Variants in SIGLEC10 observed in about 807,000 individuals in gnomAD.
The protein encoded by SIGLEC10 is sialic acid-binding Ig-like lectin 10.
A neutral mutation model predicts 68.3 loss-of-function variants in SIGLEC10; 45 were observed. The ratio of observed to expected loss-of-function variants is 0.66; its 90% CI spans 0.52 to 0.84. The LOEUF (loss-of-function observed/expected upper bound fraction) is 0.84. Among genes scored for constraint, SIGLEC10 ranks in the 40% least tolerant of loss-of-function variants. The pLI, the probability that SIGLEC10 is intolerant of heterozygous loss-of-function variation, is 0.00. For synonymous variants in SIGLEC10, 379 were observed against 370.8 expected, an observed-to-expected ratio of 1.02 and a Z score of -0.26; for missense variants, 789 against 883.1, an observed-to-expected ratio of 0.89 and a Z score of 1.35.
rs2123772792 is a variant in SIGLEC10 at position 51,416,376 on chromosome 19, C to T, written c.707-19G>A. ...GGGGCATCTGCAACAAGATTGTGAG[C>T]TGGCTTCAGGGAGGGACAATTTATT... is the stretch of plus-strand genomic sequence containing the variant. On this transcript the variant is annotated intron_variant, in intron 3 of 10. Coordinates refer to ENST00000339313, the MANE Select transcript of SIGLEC10 (RefSeq NM_033130.5). 1.2e-6 allele frequency: 2 copies of T among 1,614,132 alleles called. No individual in the cohort carries two copies. The highest frequency in any genetic ancestry group is 1.7e-6 in the Non-Finnish European group (2 of 1,180,016).
Position 51,415,280 on chromosome 19 carries a change from C to G in SIGLEC10, c.1231G>C (p.Glu411Gln). The change falls in exon 7 of 11, where the codon GAG becomes CAG. Residue 411 changes from glutamate (E) to glutamine (Q), a missense_variant. Physicochemically the swap from Glu to Gln is conservative, Grantham distance 29. Transcript: ENST00000339313. The part of the protein sequence containing the change: ...PSQPSDPGVL[E>Q]LPRVQVEHEG... ...TGCTCCACTTGAACCCGAGGCAGCT[C>G]CAGGACCCCGGGGTCTGAGGGCTGG... The G allele has an allele frequency of 6.2e-7, 1 of 1,614,076 alleles. No homozygotes were observed. Among genetic ancestry groups the G allele is most frequent in the African/African-American group, 1.3e-5 (1 of 75,038 alleles).
rs768915755 is a variant in SIGLEC10, at chr19:51,416,696, C to T, written c.676G>A (p.Ala226Thr). 16 of 1,614,062 alleles carry T rather than the reference C, an allele frequency of 9.9e-6. No individual in the cohort carries two copies. The highest frequency in any genetic ancestry group is 8.9e-5 in the East Asian group (4 of 44,874). ...ACACGGAGTCGGACGGTCCTCTGTG[C>T]GCTCACACCCTTTCTGGAGAAGTCC... ...HVDFSRKGVS[A>T]QRTVRLRVAY... The change falls in exon 3 of 11, where the codon GCA becomes ACA. Residue 226 changes from alanine (A) to threonine (T), a missense_variant. Physicochemically the swap from Ala to Thr is moderately conservative, Grantham distance 58. Coordinates refer to ENST00000339313, the MANE Select transcript of SIGLEC10 (RefSeq NM_033130.5).
intron 4 of SIGLEC10, 58 bp from the exon 5 acceptor site, chr19:51,416,225 A>T: frequency 2.5e-6 from 4 of 1,611,030 alleles, no homozygotes; most frequent in Non-Finnish European, 3.4e-6. Context: ...GAGAAGGGGT[A>T]CAGGGAGGAG....
intron 10 of SIGLEC10, among the ~76,000 whole-genome samples, chr19:51,412,546 C>G (rs564468784): frequency 6.6e-6 from 1 of 150,570 alleles, no homozygotes; most frequent in East Asian, 2.0e-4. Context: ...GTGGCATGAT[C>G]TCACTGCAAC....
Position 51,415,064 on chromosome 19 carries a change from C to A in SIGLEC10, c.1375G>T (p.Gly459Cys). 1.3e-6 allele frequency: 2 copies of A among 1,587,974 alleles called. No homozygotes were observed. Among genetic ancestry groups the A allele is most frequent in the Non-Finnish European group, 8.6e-7 (1 of 1,168,190 alleles). Reference protein sequence around the residue: ...LGPSCSWEAEGLHCSCSSQAS... With the variant: ...LGPSCSWEAECLHCSCSSQAS... ...TGGGAGGAGCAGCTGCAGTGCAGAC[C>A]CTCAGCCTCCCAGGAGCAGGAGGGG... is the stretch of plus-strand genomic sequence containing the variant. The change falls in exon 8 of 11, where the codon GGT becomes TGT. Residue 459 changes from glycine to cysteine, a missense_variant. Gly to Cys is a radical substitution (Grantham distance 159). Coordinates refer to ENST00000339313, the MANE Select transcript of SIGLEC10 (RefSeq NM_033130.5).
chr19:51,417,065 C>T lies in SIGLEC10; in HGVS notation c.421+17G>A, dbSNP rs1319673803. 1.2e-6 allele frequency: 2 copies of T among 1,611,008 alleles called. No homozygotes were observed. Among genetic ancestry groups the T allele is most frequent in the Non-Finnish European group, 1.7e-6 (2 of 1,177,922 alleles). On this transcript the variant is annotated intron_variant, in intron 2 of 10. Transcript: ENST00000339313. ...CTCCCCAGTGTGAGAGGCAGGGGTT[C>T]CCACCCCATTCCATACCTGTTACTT...
Position 51,414,275 on chromosome 19 carries a change from C to T in SIGLEC10, c.1709+147G>A. ...CGCAGTTTGTCAGTTGGACAACATT[C>T]TGCATTTATGAGAACAGTTTGCTGT... is the stretch of plus-strand genomic sequence containing the variant. On this transcript the variant is annotated intron_variant, in intron 9 of 10. Transcript: ENST00000339313. The surrounding 1 kb of genome is among the most constrained non-coding windows in gnomAD (Gnocchi z 4.1). The T allele has an allele frequency of 1.5e-5, 10 of 675,484 alleles. 1 individual carries two copies. In the South Asian group the frequency reaches 1.7e-4, roughly 11 times the overall value. The allele number at this position is 675,484 out of a possible 1,614,324, so 41.8% of individuals were successfully genotyped here. A position where few individuals can be genotyped will look rare whatever the true frequency, so the allele number is the denominator to read the frequency against.
chr19:51,414,380 G>T lies in SIGLEC10; in HGVS notation c.1709+42C>A, dbSNP rs777741144. 7.7e-6 allele frequency: 12 copies of T among 1,552,674 alleles called. No homozygotes were observed. The Admixed American group carries it at 1.8e-4, about 23-fold the overall frequency. On this transcript the variant is annotated intron_variant, in intron 9 of 10. Coordinates refer to ENST00000339313, the MANE Select transcript of SIGLEC10 (RefSeq NM_033130.5). The surrounding 1 kb of genome is among the most constrained non-coding windows in gnomAD (Gnocchi z 4.1). ...GGCCTGCAACACCTCCCCTCTTCCT[G>T]GGTCCAGGCCCCAGACCCCGCCACG...
chr19:51,411,287 T>A lies in SIGLEC10; in HGVS notation c.1906A>T (p.Asn636Tyr), dbSNP rs1483935240. The A allele has an allele frequency of 6.2e-7, 1 of 1,614,084 alleles. No homozygotes were observed. The highest frequency in any genetic ancestry group is 2.2e-5 in the East Asian group (1 of 44,894). ...PGAPSPESKK[N>Y]QKKQYQLPSF... ...GGCAACTGATACTGCTTTTTCTGGTTCTTCTTTGATTCTGGGGAGGGAGCA... is the reference window on the plus strand; with the variant it reads ...GGCAACTGATACTGCTTTTTCTGGTACTTCTTTGATTCTGGGGAGGGAGCA... The change falls in exon 11 of 11, where the codon AAC (asparagine) becomes TAC (tyrosine). Residue 636 changes from asparagine (N) to tyrosine (Y), a missense_variant. By Grantham distance (143) the Asn-to-Tyr change is moderately radical. Transcript: ENST00000339313.
In SIGLEC10 at chr19:51,414,974, G is replaced by T. The variant is rs1988436883; in HGVS notation, c.1465C>A (p.Gln489Lys). The change falls in exon 8 of 11, where the codon CAG (glutamine) becomes AAG (lysine). Residue 489 changes from glutamine (Q) to lysine (K), a missense_variant. Gln to Lys is a moderately conservative substitution (Grantham distance 53, BLOSUM62 1). Transcript: ENST00000339313. The surrounding 1 kb of genome is among the most constrained non-coding windows in gnomAD (Gnocchi z 4.1). ...CTGGGGGTGACCTCGAAGGAGTCCT[G>T]GCTGCTGTTCCCCTCCAGCAGCTCC... ...GEELLEGNSS[Q>K]DSFEVTPSSA... 1.2e-6 allele frequency: 2 copies of T among 1,613,576 alleles called. No homozygotes were observed. The highest frequency in any genetic ancestry group is 1.7e-6 in the Non-Finnish European group (2 of 1,179,962).
chr19:51,416,456 A>G (rs1459463032), intron 3 of SIGLEC10, 99 bp from the exon 4 acceptor site: 244 of 1,609,728 alleles, frequency 1.5e-4, no homozygotes, highest in East Asian at 6.9e-4. Context: ...TATCCCGGGA[A>G]GACAAGTGAC....
rs538973928 is a variant in SIGLEC10, at chr19:51,417,471, G to C, written c.38-6C>G. 1 of 1,613,840 alleles carries C rather than the reference G, an allele frequency of 6.2e-7. No individual in the cohort carries two copies. Among genetic ancestry groups the C allele is most frequent in the African/African-American group, 1.3e-5 (1 of 75,074 alleles). ...CCCATCCATAGCCTGGGACCCTGTGGGGAGACAGAGGCTCAACCTGCAACC... is the reference window on the plus strand; with the variant it reads ...CCCATCCATAGCCTGGGACCCTGTGCGGAGACAGAGGCTCAACCTGCAACC... On this transcript the variant is annotated splice_polypyrimidine_tract_variant and splice_region_variant and intron_variant, in intron 1 of 10. Transcript: ENST00000339313.
chr19:51,413,679 G>T, intron 10 of SIGLEC10, 33 bp downstream of exon 10: 1 of 1,586,300 alleles, frequency 6.3e-7, no homozygotes, highest in Non-Finnish European at 8.7e-7. Context: ...CTTTAGAGAA[G>T]AGAAAAAGTG....
chr19:51,414,206 C>T lies in SIGLEC10; in HGVS notation c.1709+216G>A, dbSNP rs950677181. On this transcript the variant is annotated intron_variant, in intron 9 of 10. Transcript: ENST00000339313. This position sits in a 1 kb window ranked among gnomAD's most constrained non-coding sequence, Gnocchi z 4.1. ...CTGTGCCTAATTACAAGAAACACTTCGCTTGGGGCGTGACTGCCCTCAGCA... is the reference window on the plus strand; with the variant it reads ...CTGTGCCTAATTACAAGAAACACTTTGCTTGGGGCGTGACTGCCCTCAGCA... 3 of 586,934 alleles carry T rather than the reference C, an allele frequency of 5.1e-6. No homozygotes were observed. The highest frequency in any genetic ancestry group is 2.8e-5 in the East Asian group (1 of 35,232). 36.4% of individuals were successfully genotyped at this position (586,934 alleles called of 1,614,324 possible).
chr19:51,414,504 G>A lies in SIGLEC10; in HGVS notation c.1627C>T (p.Leu543Phe). Residue 543 changes from leucine (L) to phenylalanine (F), a missense_variant, in exon 9 of 11, where the codon CTC (leucine) becomes TTC (phenylalanine). Physicochemically the swap from Leu to Phe is conservative, Grantham distance 22. Transcript: ENST00000339313. This position sits in a 1 kb window ranked among gnomAD's most constrained non-coding sequence, Gnocchi z 4.1. The part of the protein sequence containing the change: ...SILQLPDKKG[L>F]ISTAFSNGAF... ...CCGTTGGAGAATGCCGTTGAGATGA[G>A]TCCCTTCTTATCTGCACACGGAGAG... 6.2e-7 allele frequency: 1 copy of A among 1,613,888 alleles called. No individual in the cohort carries two copies. Among genetic ancestry groups the A allele is most frequent in the Non-Finnish European group, 8.5e-7 (1 of 1,179,930 alleles).
At chr19:51,413,274 G>A (rs977160851) in intron 10 of SIGLEC10, among the ~76,000 whole-genome samples, 1 of 152,116 alleles carries the variant, frequency 6.6e-6, no homozygotes, top group Non-Finnish European at 1.5e-5. Flanking sequence ...AGAAATTGAG[G>A]CACAGAGAAG....
At position 51,417,150 on chromosome 19, in the gene SIGLEC10, A is replaced by G. The variant is rs2123784761; in HGVS notation, c.353T>C (p.Phe118Ser). The change falls in exon 2 of 11, where the codon TTT (phenylalanine) becomes TCT (serine). Residue 118 changes from phenylalanine to serine, a missense_variant. By Grantham distance (155) the Phe-to-Ser change is radical. Coordinates refer to ENST00000339313, the MANE Select transcript of SIGLEC10 (RefSeq NM_033130.5). ...AQMQDESQYF[F>S]RVERGSYVRY... is the part of the protein sequence containing the mutation. ...CACATAGCTTCCTCTCTCCACCCGA[A>G]AGAAGTACTGTGACTCATCCTGCAT... is the stretch of plus-strand genomic sequence containing the variant. 6.2e-7 allele frequency: 1 copy of G among 1,614,202 alleles called. No homozygotes were observed. Among genetic ancestry groups the G allele is most frequent in the Non-Finnish European group, 8.5e-7 (1 of 1,180,020 alleles).
intron 4 of SIGLEC10, 44 bp from the exon 5 acceptor site, chr19:51,416,211 AAG>A: frequency 6.2e-7 from 1 of 1,606,354 alleles, no homozygotes; most frequent in Admixed American, 1.7e-5. Flanking sequence ...GGGAGGGAGA[AAG>A]AGAGAAGGGG....
Position 51,416,731 on chromosome 19 carries a change from G to A in SIGLEC10, c.641C>T (p.Thr214Ile), listed in dbSNP as rs149388582. Reference sequence around the variant, plus strand: ...CTTTCTGGAGAAGTCCACATGGCAGGTGAGGTCGGTGTTGTGGTCCTGGGG... The same window carrying A: ...CTTTCTGGAGAAGTCCACATGGCAGATGAGGTCGGTGTTGTGGTCCTGGGG... ...PRPQDHNTDL[T>I]CHVDFSRKGV... The change falls in exon 3 of 11, where the codon ACC becomes ATC. Residue 214 changes from threonine to isoleucine, a missense_variant. By Grantham distance (89) the Thr-to-Ile change is moderately conservative. Transcript: ENST00000339313. The A allele has an allele frequency of 3.1e-6, 5 of 1,614,106 alleles. No individual in the cohort carries two copies. Among genetic ancestry groups the A allele is most frequent in the Middle Eastern group, 1.6e-4 (1 of 6,084 alleles).
Sources: allele counts gnomAD v4.1 joint callset (sites outside exome capture counted in the v4.1 genomes callset), GRCh38; gene constraint gnomAD v4.1.1; non-coding constraint Gnocchi (gnomAD v3.1); transcripts MANE v1.5; gene names NCBI Gene and HGNC (gene_info 2026-07-23, HGNC 2026-07-21).